Variants in HSPG2 observed in about 807,000 individuals in gnomAD.
The protein encoded by HSPG2 is basement membrane-specific heparan sulfate proteoglycan core protein.
Under a neutral mutation model 526.6 loss-of-function variants are expected in HSPG2, and 278 were observed. The observed-to-expected ratio is 0.53, with a 90% CI of 0.48 to 0.58. HSPG2 has a LOEUF of 0.58. HSPG2 is among the 20% of genes least tolerant of loss of function. The probability of loss-of-function intolerance (pLI) is 0.00; values close to 1 mark genes in which losing one functional copy is unlikely to be tolerated. For synonymous variants in HSPG2, 2,465 were observed against 2,555.4 expected (o/e 0.96, Z 1.07); for missense variants, 5,354 against 6,099.5 (o/e 0.88, Z 4.07).
Position 21,873,418 on chromosome 1 carries a change from G to A in HSPG2, c.3750C>T (p.Ala1250=). 6.2e-7 allele frequency: 1 copy of A among 1,614,078 alleles called. No homozygotes were observed. Among genetic ancestry groups the A allele is most frequent in the Non-Finnish European group, 8.5e-7 (1 of 1,179,998 alleles). The stretch of plus-strand genomic sequence containing the variant: ...GGCTGGGGTTGCCATAGTAGCCAGG[G>A]GCGCACCTGCAGAGAGAAAAAGCCT... ...GHSGRHCERC[A]PGYYGNPSQG... is the part of the protein sequence containing the mutation. The change falls in exon 30 of 97, where the codon GCC becomes GCT. Residue 1250 remains alanine, a synonymous_variant. Transcript: ENST00000374695.
At position 21,878,170 on chromosome 1, in the gene HSPG2, C is replaced by T; in HGVS notation, c.2685+16G>A. On this transcript the variant is annotated intron_variant, in intron 21 of 96. Coordinates refer to ENST00000374695, the MANE Select transcript of HSPG2 (RefSeq NM_005529.7). ...GGGCCCAAGGCCCCTGGGTGGGTGG[C>T]AGATGGCACGCGTACCTTACAGCGG... 1 of 1,612,216 alleles carries T rather than the reference C, an allele frequency of 6.2e-7. No homozygotes were observed. Among genetic ancestry groups the T allele is most frequent in the Non-Finnish European group, 8.5e-7 (1 of 1,178,880 alleles).
intron 1 of HSPG2, among the ~76,000 whole-genome samples, chr1:21,900,696 C>T (rs1437283424): frequency 6.6e-6 from 1 of 152,082 alleles, no homozygotes; most frequent in Admixed American, 6.5e-5. Flanking sequence ...ACCAGCCTGG[C>T]CTACAGGGTG....
Position 21,848,322 on chromosome 1 carries a change from C to T in HSPG2, c.7738-229G>A, listed in dbSNP as rs1638615019. On this transcript the variant is annotated intron_variant, in intron 59 of 96. Coordinates refer to ENST00000374695, the MANE Select transcript of HSPG2 (RefSeq NM_005529.7). This position sits in a 1 kb window ranked among gnomAD's most constrained non-coding sequence, Gnocchi z 4.9. ...GTTAAGGCCCTCCGGAGTGTTGACA[C>T]AGTATCCTGCTGGGGCTCCCACAGC... is the stretch of plus-strand genomic sequence containing the variant. Among the ~76,000 whole-genome samples the T allele has an allele frequency of 6.6e-6, 1 of 152,170 alleles. No individual in the cohort carries two copies. The highest frequency in any genetic ancestry group is 2.1e-4 in the South Asian group (1 of 4,826).
In HSPG2 at chr1:21,838,812, CG is replaced by C. The variant is rs752655297; in HGVS notation, c.10150+12del. The C allele has an allele frequency of 5.0e-6, 8 of 1,610,710 alleles. 1 individual carries two copies. Among genetic ancestry groups the C allele is most frequent in the African/African-American group, 1.3e-5 (1 of 74,916 alleles). On this transcript the variant is annotated intron_variant, in intron 74 of 96. Coordinates refer to ENST00000374695, the MANE Select transcript of HSPG2 (RefSeq NM_005529.7). ...AAGGTGATCCCCTTCCACGCAGAGC[CG>C]GGGCTGCTTACCTTGGACGAGCAGC...
chr1:21,934,260 G>C (rs2152807258), intron 1 of HSPG2, among the ~76,000 whole-genome samples: 1 of 152,374 alleles, frequency 6.6e-6, no homozygotes, highest in Non-Finnish European at 1.5e-5. Context: ...ACTGGCTCCG[G>C]ACCAAACTGA....
intron 52 of HSPG2, 30 bp downstream of exon 52, chr1:21,852,670 C>T (rs1005190230): frequency 6.2e-7 from 1 of 1,612,542 alleles, no homozygotes; most frequent in Non-Finnish European, 8.5e-7. Flanking sequence ...CTGCCTCCTC[C>T]AGCTTTCCAT....
Position 21,839,663 on chromosome 1 carries a change from A to G in HSPG2, c.9710-113T>C. ...GATCCTGTCCCTCTATGGGGACCCC[A>G]GTTGGGTTCCTCGGCCATCACTGGG... On this transcript the variant is annotated intron_variant, in intron 72 of 96. Coordinates refer to ENST00000374695, the MANE Select transcript of HSPG2 (RefSeq NM_005529.7). This position sits in a 1 kb window ranked among gnomAD's most constrained non-coding sequence, Gnocchi z 4.5. 1 of 1,428,892 alleles carries G rather than the reference A, an allele frequency of 7.0e-7. No homozygotes were observed. The highest frequency in any genetic ancestry group is 9.6e-7 in the Non-Finnish European group (1 of 1,036,620). 88.5% of individuals were successfully genotyped at this position (1,428,892 alleles called of 1,614,324 possible). A position where few individuals can be genotyped will look rare whatever the true frequency, so the allele number is the denominator to read the frequency against.
chr1:21,855,494 C>G (rs533099060), intron 46 of HSPG2, 29 bp downstream of exon 46: 13 of 1,611,474 alleles, frequency 8.1e-6, no homozygotes, highest in African/African-American at 1.3e-5. Flanking sequence ...AGCACACTCC[C>G]GGCCCCCACC....
chr1:21,883,965 G>C (rs1641688048), intron 13 of HSPG2, among the ~76,000 whole-genome samples: 1 of 152,250 alleles, frequency 6.6e-6, no homozygotes, highest in African/African-American at 2.4e-5. Flanking sequence ...GCAGTAAGTG[G>C]TATAGCTGGA....
rs149816952 is a variant in HSPG2 at position 21,844,198 on chromosome 1, C to T, written c.8566G>A (p.Ala2856Thr). The T allele has an allele frequency of 6.1e-5, 99 of 1,613,776 alleles. No homozygotes were observed. In the African/African-American group the frequency reaches 1.1e-3, roughly 18 times the overall value. Residue 2856 changes from alanine to threonine, a missense_variant, in exon 65 of 97, where the codon GCC becomes ACC. Ala to Thr is a moderately conservative substitution (Grantham distance 58). Transcript: ENST00000374695. ...LKCVVPGQAH[A>T]QVTWHKRGGN... Reference sequence around the variant, plus strand: ...CCACGCTTGTGCCACGTGACCTGGGCGTGGGCCTGCCCGGGCACCACGCAC... The same window carrying T: ...CCACGCTTGTGCCACGTGACCTGGGTGTGGGCCTGCCCGGGCACCACGCAC...
chr1:21,879,734 C>T (rs1443204819), intron 17 of HSPG2, among the ~76,000 whole-genome samples: 1 of 151,896 alleles, frequency 6.6e-6, no homozygotes, highest in Non-Finnish European at 1.5e-5. Flanking sequence ...CCTACTGTAA[C>T]CTCCACCTCC....
At position 21,874,030 on chromosome 1, in the gene HSPG2, T is replaced by A. The variant is rs1289790929; in HGVS notation, c.3657-19A>T. On this transcript the variant is annotated intron_variant, in intron 28 of 96. Transcript: ENST00000374695. ...GGCAGCCCTGAGTGTGGGGGCAGAT[T>A]TCTAGTCAGGAACGCAGTGGCTCCT... 1 of 1,584,970 alleles carries A rather than the reference T, an allele frequency of 6.3e-7. No individual in the cohort carries two copies.
intron 55 of HSPG2, among the ~76,000 whole-genome samples, chr1:21,851,130 G>A (rs1638859682): frequency 6.6e-6 from 1 of 152,022 alleles, no homozygotes; most frequent in Non-Finnish European, 1.5e-5. Flanking sequence ...CTGCCACTAT[G>A]CCCGGCTAAT....
chr1:21,935,784 C>A (rs1644473323), intron 1 of HSPG2, among the ~76,000 whole-genome samples: 2 of 152,184 alleles, frequency 1.3e-5, no homozygotes, highest in South Asian at 2.1e-4. Flanking sequence ...AAAGTCAGTG[C>A]CAGGAGTGCA....
intron 75 of HSPG2, among the ~76,000 whole-genome samples, chr1:21,836,414 TG>T (rs2098026398): frequency 1.3e-5 from 2 of 152,182 alleles, no homozygotes; most frequent in Non-Finnish European, 2.9e-5. Context: ...TTCCGCCTCC[TG>T]GGTTCAAGTG....
Position 21,872,956 on chromosome 1 carries a change from G to C in HSPG2, c.3888+41C>G, listed in dbSNP as rs79545095. 1.4e-5 allele frequency: 22 copies of C among 1,584,744 alleles called. No homozygotes were observed. Among genetic ancestry groups the C allele is most frequent in the Middle Eastern group, 1.7e-4 (1 of 6,044 alleles). ...GATTTCCCCGCAGGGTCTGGGCAGC[G>C]GGGCAGAGCAGGCCCCGCAGGGACA... On this transcript the variant is annotated intron_variant, in intron 31 of 96. Coordinates refer to ENST00000374695, the MANE Select transcript of HSPG2 (RefSeq NM_005529.7). This position sits in a 1 kb window ranked among gnomAD's most constrained non-coding sequence, Gnocchi z 5.5.
In HSPG2 at chr1:21,833,317, G is replaced by A. The variant is rs149466423; in HGVS notation, c.11046C>T (p.Ala3682=). The change falls in exon 80 of 97, where the codon GCC becomes GCT. Residue 3682 remains alanine (A), a synonymous_variant. Transcript: ENST00000374695. ...SFLPLPTIKD[A]YRKFEIKITF... is the part of the protein sequence containing the mutation. ...TGATCTTGATCTCGAACTTCCTGTAGGCATCCTTGATGGTGGGCAGCGGTA... is the reference window on the plus strand; with the variant it reads ...TGATCTTGATCTCGAACTTCCTGTAAGCATCCTTGATGGTGGGCAGCGGTA... 7.9e-5 allele frequency: 127 copies of A among 1,614,004 alleles called. No individual in the cohort carries two copies. Among genetic ancestry groups the A allele is most frequent in the Non-Finnish European group, 1.0e-4 (119 of 1,180,018 alleles).
intron 1 of HSPG2, among the ~76,000 whole-genome samples, chr1:21,924,630 G>A (rs1045318261): frequency 2.6e-5 from 4 of 152,148 alleles, no homozygotes; most frequent in African/African-American, 7.2e-5. Flanking sequence ...GCTGACTGGT[G>A]ACCAAGTGGA....
At chr1:21,928,917 A>C (rs951697344) in intron 1 of HSPG2, among the ~76,000 whole-genome samples, 1 of 151,152 alleles carries the variant, frequency 6.6e-6, no homozygotes, top group Admixed American at 6.6e-5. Flanking sequence ...TGCTTAGCTG[A>C]TTTTTTTATT....
Sources: allele counts gnomAD v4.1 joint callset (sites outside exome capture counted in the v4.1 genomes callset), GRCh38; gene constraint gnomAD v4.1.1; non-coding constraint Gnocchi (gnomAD v3.1); transcripts MANE v1.5; gene names NCBI Gene and HGNC (gene_info 2026-07-23, HGNC 2026-07-21).